The following CACNA1A variants were observed in gnomAD, a reference collection of about 807,000 sequenced individuals.
CACNA1A encodes the protein voltage-dependent P/Q-type calcium channel subunit alpha-1A.
A neutral mutation model predicts 262.4 loss-of-function variants in CACNA1A; 57 were observed. The observed-to-expected ratio is 0.22, with a 90% CI of 0.18 to 0.27. CACNA1A has a LOEUF of 0.27. Ranked by LOEUF, CACNA1A falls within the 10% of genes least tolerant of loss-of-function variation. CACNA1A has a pLI of 1.00. For synonymous variants in CACNA1A, 1,431 were observed against 1,419.3 expected, an observed-to-expected ratio of 1.01 and a Z score of -0.18; for missense variants, 2,526 against 3,562.8, an observed-to-expected ratio of 0.71 and a Z score of 7.41.
rs1275097177 is a variant in CACNA1A at position 13,255,207 on chromosome 19, G to T, written c.4643C>A (p.Pro1548Gln). 1 of 1,611,766 alleles carries T rather than the reference G, an allele frequency of 6.2e-7. No homozygotes were observed. Among genetic ancestry groups the T allele is most frequent in the Non-Finnish European group, 8.5e-7 (1 of 1,178,168 alleles). The change falls in exon 29 of 47, where the codon CCG becomes CAG. Residue 1548 changes from proline to glutamine, a missense_variant. Physicochemically the swap from Pro to Gln is moderately conservative, Grantham distance 76. This residue lies in a region of CACNA1A where 36 missense variants were observed against 47.3 expected (regional missense o/e 0.76). Transcript: ENST00000360228. ...ISAKPLTRHMPQNKQSFQYRM... is the reference protein window; with the variant it reads ...ISAKPLTRHMQQNKQSFQYRM... ...GTACTGGAAGCTCTGCTTGTTCTGC[G>T]GCATGTGTCGGGTCAGCGGCTTGGC...
At chr19:13,499,446 G>T (rs898590514) in intron 1 of CACNA1A, among the ~76,000 whole-genome samples, 3 of 116,734 alleles carry the variant, frequency 2.6e-5, no homozygotes, top group Non-Finnish European at 5.1e-5. Context: ...GTCGCAGGGG[G>T]TGGTGGGGGG....
chr19:13,387,546 C>T (rs1185124048), intron 3 of CACNA1A, among the ~76,000 whole-genome samples: 9 of 152,192 alleles, frequency 5.9e-5, no homozygotes, highest in Admixed American at 5.2e-4. Context: ...ACCCCACTCA[C>T]CTTCCCCACT....
At chr19:13,325,132 TC>T (rs2058334894) in intron 10 of CACNA1A, among the ~76,000 whole-genome samples, 2 of 145,140 alleles carry the variant, frequency 1.4e-5, no homozygotes, top group Non-Finnish European at 3.0e-5. Flanking sequence ...CCATTCCTCC[TC>T]CTCCTCCTCT....
chr19:13,398,722 T>A (rs925422508), intron 3 of CACNA1A, among the ~76,000 whole-genome samples: 1 of 152,240 alleles, frequency 6.6e-6, no homozygotes, highest in Non-Finnish European at 1.5e-5. Context: ...GAGAATTATA[T>A]AAAAGCTCTT....
At chr19:13,352,101 G>A (rs1600401587) in intron 6 of CACNA1A, among the ~76,000 whole-genome samples, 1 of 152,130 alleles carries the variant, frequency 6.6e-6, no homozygotes, top group African/African-American at 2.4e-5. Flanking sequence ...AATGACCCGA[G>A]ACCTTCTTCT....
At chr19:13,210,746 GAGA>G in intron 43 of CACNA1A, 94 bp from the exon 44 acceptor site, 6 of 1,286,290 alleles carry the variant, frequency 4.7e-6, no homozygotes, top group Middle Eastern at 2.3e-4. Flanking sequence ...GTGGTGCATG[GAGA>G]AGAAGCCAAG....
chr19:13,404,326 C>A (rs2059963934), intron 3 of CACNA1A, among the ~76,000 whole-genome samples: 1 of 152,184 alleles, frequency 6.6e-6, no homozygotes, highest in African/African-American at 2.4e-5. Context: ...CCAATCCCTG[C>A]ACTGTATTCA....
At chr19:13,398,374 A>G (rs2059844728) in intron 3 of CACNA1A, among the ~76,000 whole-genome samples, 2 of 152,350 alleles carry the variant, frequency 1.3e-5, no homozygotes, top group African/African-American at 4.8e-5. Context: ...AGCTGCAAGC[A>G]TATCTAATAC....
At chr19:13,251,467 C>T (rs1475159113) in intron 30 of CACNA1A, among the ~76,000 whole-genome samples, 5 of 151,918 alleles carry the variant, frequency 3.3e-5, no homozygotes, top group South Asian at 2.1e-4. Context: ...TGGGCAACAG[C>T]GAGACTGTCT....
chr19:13,231,111 C>T (rs547555363), intron 35 of CACNA1A, among the ~76,000 whole-genome samples: 1 of 152,072 alleles, frequency 6.6e-6, no homozygotes, highest in South Asian at 2.1e-4. Context: ...TCAAGTGATC[C>T]TCCCACCTCA....
intron 17 of CACNA1A, among the ~76,000 whole-genome samples, chr19:13,301,015 A>G (rs2144966612): frequency 6.6e-6 from 1 of 152,168 alleles, no homozygotes; most frequent in South Asian, 2.1e-4. Context: ...TGGCACAATC[A>G]TAGCTCACTG....
intron 24 of CACNA1A, among the ~76,000 whole-genome samples, chr19:13,271,000 A>C (rs2057003883): frequency 6.6e-6 from 1 of 152,166 alleles, no homozygotes; most frequent in African/African-American, 2.4e-5. Flanking sequence ...ATAAGAATTA[A>C]AACAACAACA....
intron 38 of CACNA1A, among the ~76,000 whole-genome samples, chr19:13,216,771 T>C (rs1338188756): frequency 6.6e-6 from 1 of 152,090 alleles, no homozygotes; most frequent in Non-Finnish European, 1.5e-5. Flanking sequence ...ACCGAAGCCT[T>C]GAGCTCCTGG....
At chr19:13,355,033 G>A (rs779218081) in intron 6 of CACNA1A, among the ~76,000 whole-genome samples, 1 of 151,908 alleles carries the variant, frequency 6.6e-6, no homozygotes. Context: ...CGCCCACCAC[G>A]CCTGGCTAAT....
chr19:13,268,995 G>C (rs1048677248), intron 24 of CACNA1A, among the ~76,000 whole-genome samples: 1 of 147,688 alleles, frequency 6.8e-6, no homozygotes, highest in African/African-American at 2.5e-5. Context: ...CACCGCACCC[G>C]GCTTTATTTT....
At chr19:13,341,067 G>A (rs1600376565) in intron 6 of CACNA1A, among the ~76,000 whole-genome samples, 1 of 152,148 alleles carries the variant, frequency 6.6e-6, no homozygotes, top group Non-Finnish European at 1.5e-5. Context: ...GCAAGACCCT[G>A]TGTCTAAAAT....
rs1006227942 is a variant in CACNA1A, at chr19:13,212,848, A to T, written c.5941-108T>A. 131 of 542,056 alleles carry T rather than the reference A, an allele frequency of 2.4e-4. No homozygotes were observed. Among genetic ancestry groups the T allele is most frequent in the Admixed American group, 8.7e-4 (25 of 28,872 alleles). The allele number at this position is 542,056 out of a possible 1,614,324, so 33.6% of individuals were successfully genotyped here. ...AGTATACACACACACACACACACAC[A>T]CTCTCTCAGGTCTCATCCATCTAGA... On this transcript the variant is annotated intron_variant, in intron 40 of 46. Transcript: ENST00000360228. This position sits in a 1 kb window ranked among gnomAD's most constrained non-coding sequence, Gnocchi z 5.6.
intron 1 of CACNA1A, among the ~76,000 whole-genome samples, chr19:13,455,869 CA>C (rs766436872): frequency 0.22 from 16,658 of 76,148 alleles, 1,232 homozygotes; most frequent in African/African-American, 0.38. Context: ...GGCCCTGTCT[CA>C]AAAAAAAAAA....
intron 1 of CACNA1A, among the ~76,000 whole-genome samples, chr19:13,493,730 A>T (rs1981174007): frequency 6.6e-6 from 1 of 152,256 alleles, no homozygotes; most frequent in Non-Finnish European, 1.5e-5. Flanking sequence ...AACCTTGGAC[A>T]GAGATTCACA....
Sources: allele counts gnomAD v4.1 joint callset (sites outside exome capture counted in the v4.1 genomes callset), GRCh38; gene constraint gnomAD v4.1.1; regional missense constraint gnomAD v4.1.1; non-coding constraint Gnocchi (gnomAD v3.1); transcripts MANE v1.5; gene names NCBI Gene and HGNC (gene_info 2026-07-23, HGNC 2026-07-21).